Variants in MOB1B observed in about 807,000 individuals in gnomAD.
MOB1B encodes the protein MOB1 Mps One Binder homolog B.
Under a neutral mutation model 24.4 loss-of-function variants are expected in MOB1B, and 19 were observed. The ratio of observed to expected loss-of-function variants is 0.78; its 90% CI spans 0.54 to 1.14. The LOEUF (loss-of-function observed/expected upper bound fraction) is 1.14. MOB1B is among the 50% of genes most tolerant of loss of function. The probability of loss-of-function intolerance (pLI) is 0.00; values close to 1 mark genes in which losing one functional copy is unlikely to be tolerated. For synonymous variants in MOB1B, 76 were observed against 82.1 expected, an observed-to-expected ratio of 0.93 and a Z score of 0.40; for missense variants, 243 against 259.6, an observed-to-expected ratio of 0.94 and a Z score of 0.44.
At chr4:70,956,263 T>C (rs1037002192) in intron 1 of MOB1B, among the ~76,000 whole-genome samples, 1 of 152,118 alleles carries the variant, frequency 6.6e-6, no homozygotes, top group African/African-American at 2.4e-5. Context: ...ATTTTTTTCT[T>C]TTAGCTCCTG....
intron 1 of MOB1B, among the ~76,000 whole-genome samples, chr4:70,958,037 A>C (rs1337318062): frequency 1.3e-5 from 2 of 152,142 alleles, no homozygotes; most frequent in Non-Finnish European, 2.9e-5. Context: ...GTGCTTAAGC[A>C]TTCAGAAATT....
intron 1 of MOB1B, among the ~76,000 whole-genome samples, chr4:70,945,724 T>C (rs1465625568): frequency 6.6e-6 from 1 of 152,206 alleles, no homozygotes; most frequent in East Asian, 1.9e-4. Context: ...GAGAAACTCA[T>C]GGTGCTGTGT....
chr4:70,935,292 C>T (rs1449301819), intron 1 of MOB1B, among the ~76,000 whole-genome samples: 2 of 152,108 alleles, frequency 1.3e-5, no homozygotes, highest in Admixed American at 6.6e-5. Flanking sequence ...GGGAGTATAC[C>T]GTGGAACTTC....
chr4:70,953,642 G>T (rs1165049579), intron 1 of MOB1B, among the ~76,000 whole-genome samples: 1 of 152,152 alleles, frequency 6.6e-6, no homozygotes, highest in Non-Finnish European at 1.5e-5. Flanking sequence ...TTCTTAAGTA[G>T]CATAAGAAGA....
chr4:70,947,526 G>T (rs1395915219), intron 1 of MOB1B, among the ~76,000 whole-genome samples: 1 of 152,154 alleles, frequency 6.6e-6, no homozygotes, highest in South Asian at 2.1e-4. Context: ...GTATATTTTG[G>T]ATATAAGTCC....
chr4:70,929,336 G>A lies in MOB1B; in HGVS notation c.14+26786G>A, dbSNP rs940721259. Among the ~76,000 whole-genome samples, 63 of 151,548 alleles carry A rather than the reference G, an allele frequency of 4.2e-4. 1 individual carries two copies. The highest frequency in any genetic ancestry group is 1.4e-3 in the Admixed American group (21 of 15,192). On this transcript the variant is annotated intron_variant, in intron 1 of 5. Coordinates refer to ENST00000309395, the MANE Select transcript of MOB1B (RefSeq NM_173468.4). Reference sequence around the variant, plus strand: ...TGGGATTACAAGTGTGTGCCACCACGCCCGGCTAATTTTTGTGTTCTTAGT... The same window carrying A: ...TGGGATTACAAGTGTGTGCCACCACACCCGGCTAATTTTTGTGTTCTTAGT...
At chr4:70,913,313 T>A (rs895217595) in intron 1 of MOB1B, among the ~76,000 whole-genome samples, 5 of 152,036 alleles carry the variant, frequency 3.3e-5, no homozygotes, top group African/African-American at 9.7e-5. Context: ...TCTATGTATT[T>A]TTTGGGATAG....
chr4:70,920,227 C>T (rs968082807), intron 1 of MOB1B, among the ~76,000 whole-genome samples: 3 of 151,842 alleles, frequency 2.0e-5, no homozygotes, highest in Admixed American at 6.6e-5. Context: ...CTTCCTCCTC[C>T]TCCTCTTCCT....
intron 1 of MOB1B, among the ~76,000 whole-genome samples, chr4:70,916,372 A>G (rs961538826): frequency 6.6e-6 from 1 of 152,236 alleles, no homozygotes; most frequent in Non-Finnish European, 1.5e-5. Flanking sequence ...AGATGGCTGC[A>G]TGCAAGCATT....
intron 1 of MOB1B, among the ~76,000 whole-genome samples, chr4:70,909,246 C>G (rs993599514): frequency 2.0e-5 from 3 of 152,008 alleles, no homozygotes; most frequent in East Asian, 1.9e-4. Flanking sequence ...TCCCTCACTT[C>G]CCCCCAAGCC....
At chr4:70,964,471 TATATGGAA>T (rs1437859750) in intron 2 of MOB1B, among the ~76,000 whole-genome samples, 1 of 152,210 alleles carries the variant, frequency 6.6e-6, no homozygotes, top group Non-Finnish European at 1.5e-5. Context: ...GAAAATACTA[TATATGGAA>T]ACTTGTGGGA....
chr4:70,902,239 G>A (rs960216388), upstream of MOB1B: 3 of 551,882 alleles, frequency 5.4e-6, no homozygotes, highest in Admixed American at 3.2e-5. Context: ...GCTATCGCGA[G>A]AGCTCGTGAG....
At position 70,929,058 on chromosome 4, in the gene MOB1B, A is replaced by G. The variant is rs79908978; in HGVS notation, c.14+26508A>G. Among the ~76,000 whole-genome samples, 12 of 152,234 alleles carry G rather than the reference A, an allele frequency of 7.9e-5. No homozygotes were observed. The East Asian group carries it at 2.3e-3, about 29-fold the overall frequency. ...TCCCACTATCATTGCATCATTAAGA[A>G]AAAGAGTCATGAAAGCTTCTTGGAC... On this transcript the variant is annotated intron_variant, in intron 1 of 5. Coordinates refer to ENST00000309395, the MANE Select transcript of MOB1B (RefSeq NM_173468.4).
At chr4:70,975,535 A>G (rs1335174951) in intron 4 of MOB1B, 1 of 1,146,528 alleles carries the variant, frequency 8.7e-7, no homozygotes, top group Non-Finnish European at 1.1e-6. Flanking sequence ...AATTAGCTGA[A>G]AGTATAGGTT....
intron 1 of MOB1B, among the ~76,000 whole-genome samples, chr4:70,923,774 C>G (rs570162959): frequency 1.7e-4 from 25 of 151,426 alleles, no homozygotes; most frequent in African/African-American, 6.1e-4. Context: ...TCGATGAAAC[C>G]CCCTCTCTAC....
Position 70,902,515 on chromosome 4 carries a change from T to C in MOB1B, c.-22T>C, listed in dbSNP as rs1465515504. On this transcript the variant is annotated 5_prime_UTR_variant, in exon 1 of 6. Coordinates refer to ENST00000309395, the MANE Select transcript of MOB1B (RefSeq NM_173468.4). ...TCCGAGGCCTCGCGACCGCCGAGCC[T>C]GCAGCCTGCCCCGCGGCCAACATGA... 7 of 1,562,028 alleles carry C rather than the reference T, an allele frequency of 4.5e-6. No individual in the cohort carries two copies. The highest frequency in any genetic ancestry group is 6.1e-6 in the Non-Finnish European group (7 of 1,153,542).
At chr4:70,974,516 C>G (rs1738897932) in intron 3 of MOB1B, among the ~76,000 whole-genome samples, 1 of 151,838 alleles carries the variant, frequency 6.6e-6, no homozygotes, top group African/African-American at 2.4e-5. Context: ...GTTTCTTGTT[C>G]TTAGTATCTT....
chr4:70,968,069 ACT>A (rs1420608871), intron 2 of MOB1B, among the ~76,000 whole-genome samples: 2 of 152,082 alleles, frequency 1.3e-5, no homozygotes, highest in African/African-American at 4.8e-5. Context: ...GTGGTCCCAA[ACT>A]CTGGGGCTCA....
intron 1 of MOB1B, among the ~76,000 whole-genome samples, chr4:70,909,547 G>A (rs1735894309): frequency 6.6e-6 from 1 of 152,086 alleles, no homozygotes; most frequent in African/African-American, 2.4e-5. Context: ...AGTTCAATGA[G>A]TGTTTACTAT....
Sources: allele counts gnomAD v4.1 joint callset (sites outside exome capture counted in the v4.1 genomes callset), GRCh38; gene constraint gnomAD v4.1.1; transcripts MANE v1.5; gene names NCBI Gene and HGNC (gene_info 2026-07-23, HGNC 2026-07-21).